MSRA: variants seen among roughly 807,000 people sequenced by gnomAD.
MSRA encodes the protein mitochondrial peptide methionine sulfoxide reductase.
Under a neutral mutation model 31.3 loss-of-function variants are expected in MSRA, and 54 were observed. That is an observed-to-expected ratio of 1.73 (90% CI 1.39 to 2.17). MSRA has a LOEUF of 2.17. Among genes scored for constraint, MSRA ranks in the 30% most tolerant of loss-of-function variants. The pLI is 0.00. For missense variants in MSRA, 507 were observed against 300.9 expected (o/e 1.69, Z -5.07); for synonymous variants, 169 against 116.5 (o/e 1.45, Z -2.90).
At chr8:10,341,210 G>C (rs984740243) in intron 5 of MSRA, among the ~76,000 whole-genome samples, 1 of 152,196 alleles carries the variant, frequency 6.6e-6, no homozygotes, top group Admixed American at 6.5e-5. Flanking sequence ...GATTTAATTG[G>C]CTCATGATTC....
At chr8:10,327,761 G>A (rs767512432) in intron 5 of MSRA, among the ~76,000 whole-genome samples, 19 of 152,138 alleles carry the variant, frequency 1.2e-4, no homozygotes, top group Non-Finnish European at 2.6e-4. Context: ...GTGAAACCCC[G>A]TCTCTACTAA....
At chr8:10,292,697 G>A (rs975538921) in intron 3 of MSRA, among the ~76,000 whole-genome samples, 9 of 152,224 alleles carry the variant, frequency 5.9e-5, no homozygotes, top group Non-Finnish European at 1.2e-4. Context: ...GCCTCCTGGA[G>A]GAAGCAAGAC....
intron 1 of MSRA, among the ~76,000 whole-genome samples, chr8:10,171,499 TTGA>T (rs1317925173): frequency 3.9e-5 from 6 of 152,172 alleles, no homozygotes; most frequent in Non-Finnish European, 8.8e-5. Context: ...CCTTACACCT[TTGA>T]TGATAAGACA....
At chr8:10,423,514 G>A (rs931408816) in intron 5 of MSRA, among the ~76,000 whole-genome samples, 1 of 152,066 alleles carries the variant, frequency 6.6e-6, no homozygotes, top group African/African-American at 2.4e-5. Context: ...GGTGGGGCGG[G>A]GAGGGGGGGT....
chr8:10,240,038 T>G (rs1326816514), intron 2 of MSRA, among the ~76,000 whole-genome samples: 2 of 152,196 alleles, frequency 1.3e-5, no homozygotes, highest in Non-Finnish European at 2.9e-5. Flanking sequence ...TGCTGCATTT[T>G]CCTTGCTGCA....
At chr8:10,246,077 C>T (rs759507349) in intron 3 of MSRA, among the ~76,000 whole-genome samples, 16 of 152,306 alleles carry the variant, frequency 1.1e-4, no homozygotes, top group Non-Finnish European at 1.8e-4. Context: ...ACTTATAGGC[C>T]AAATCCCACT....
chr8:10,379,951 G>C (rs1249096893), intron 5 of MSRA, among the ~76,000 whole-genome samples: 1 of 152,232 alleles, frequency 6.6e-6, no homozygotes, highest in Admixed American at 6.5e-5. Context: ...CATAAGTACT[G>C]ATTGGGCCAG....
At chr8:10,262,137 T>G (rs1311100591) in intron 3 of MSRA, among the ~76,000 whole-genome samples, 1 of 152,238 alleles carries the variant, frequency 6.6e-6, no homozygotes, top group Non-Finnish European at 1.5e-5. Context: ...CTTGAAATAA[T>G]TGCAGTTGCT....
In MSRA at chr8:10,054,632, G is replaced by T; in HGVS notation, c.116G>T (p.Gly39Val). The T allele has an allele frequency of 6.3e-7, 1 of 1,576,020 alleles. No homozygotes were observed. Among genetic ancestry groups the T allele is most frequent in the Non-Finnish European group, 8.6e-7 (1 of 1,161,798 alleles). Residue 39 changes from glycine (G) to valine (V), a missense_variant, in exon 1 of 6, where the codon GGC becomes GTC. Coordinates refer to ENST00000317173, the MANE Select transcript of MSRA (RefSeq NM_012331.5). ...GTCAGCCCCCAGGAGGCCTTGCCGGGCCGGAAGGAACAGACCCCTGTAGCG... is the reference window on the plus strand; with the variant it reads ...GTCAGCCCCCAGGAGGCCTTGCCGGTCCGGAAGGAACAGACCCCTGTAGCG... ...NIVSPQEALP[G>V]RKEQTPVAAK...
At chr8:10,313,920 G>A (rs1447127450) in intron 4 of MSRA, among the ~76,000 whole-genome samples, 2 of 152,124 alleles carry the variant, frequency 1.3e-5, no homozygotes, top group Admixed American at 1.3e-4. Context: ...GGGAAATAAT[G>A]GCTTCTTAAT....
intron 2 of MSRA, among the ~76,000 whole-genome samples, chr8:10,234,953 C>G (rs543599413): frequency 1.8e-4 from 28 of 152,074 alleles, no homozygotes; most frequent in African/African-American, 6.3e-4. Flanking sequence ...AAAGAGAAAT[C>G]AAAAAATTCA....
intron 1 of MSRA, among the ~76,000 whole-genome samples, chr8:10,110,034 G>A (rs117084573): frequency 8.0e-4 from 122 of 152,164 alleles, no homozygotes; most frequent in Admixed American, 1.0e-3. Context: ...ATTTCAGTCC[G>A]TCCTTGGCTC....
chr8:10,327,724 G>C (rs1802442913), intron 5 of MSRA, among the ~76,000 whole-genome samples: 1 of 152,154 alleles, frequency 6.6e-6, no homozygotes, highest in Non-Finnish European at 1.5e-5. Flanking sequence ...ATAAGGTCAG[G>C]AGATCGAGAC....
intron 1 of MSRA, among the ~76,000 whole-genome samples, chr8:10,127,910 G>T (rs1326673280): frequency 6.6e-6 from 1 of 152,022 alleles, no homozygotes; most frequent in Non-Finnish European, 1.5e-5. Context: ...TTCACGTGGG[G>T]TGGTTTCTTT....
chr8:10,276,757 G>A (rs1443783857), intron 3 of MSRA, among the ~76,000 whole-genome samples: 2 of 152,160 alleles, frequency 1.3e-5, no homozygotes, highest in Non-Finnish European at 2.9e-5. Flanking sequence ...ATTTAGATCT[G>A]CTTGTTATTC....
At chr8:10,097,125 A>G (rs193188129) in intron 1 of MSRA, among the ~76,000 whole-genome samples, 4 of 152,310 alleles carry the variant, frequency 2.6e-5, no homozygotes, top group Non-Finnish European at 5.9e-5. Context: ...TTTTTATAAA[A>G]TTATAGTGAC....
intron 1 of MSRA, among the ~76,000 whole-genome samples, chr8:10,075,215 A>G (rs1021647419): frequency 6.6e-6 from 1 of 152,202 alleles, no homozygotes; most frequent in South Asian, 2.1e-4. Context: ...TCCCACACCT[A>G]GGCATGTCTG....
At chr8:10,244,063 A>G (rs1563261712) in intron 2 of MSRA, among the ~76,000 whole-genome samples, 1 of 152,190 alleles carries the variant, frequency 6.6e-6, no homozygotes, top group Non-Finnish European at 1.5e-5. Flanking sequence ...CTTCTAATTT[A>G]TCTTTCAGCT....
intron 4 of MSRA, among the ~76,000 whole-genome samples, chr8:10,305,613 C>A (rs1314365037): frequency 6.6e-6 from 1 of 152,116 alleles, no homozygotes; most frequent in African/African-American, 2.4e-5. Context: ...GGGGTTTCAC[C>A]ATGTTGGTCA....
Sources: gnomAD v4.1 joint callset for allele counts (sites outside exome capture counted in the v4.1 genomes callset) on GRCh38, gnomAD v4.1.1 for gene constraint, MANE v1.5 for transcripts, NCBI Gene and HGNC (gene_info 2026-07-23, HGNC 2026-07-21) for gene names.